ADAMTS3: variants seen among roughly 807,000 people sequenced by gnomAD.
The protein encoded by ADAMTS3 is ADAM metallopeptidase with thrombospondin type 1 motif 3.
Under a neutral mutation model 129.0 loss-of-function variants are expected in ADAMTS3, and 73 were observed. The observed-to-expected ratio is 0.57, with a 90% CI of 0.47 to 0.69. The LOEUF (loss-of-function observed/expected upper bound fraction) is 0.69. ADAMTS3 is among the 30% of genes least tolerant of loss of function. ADAMTS3 has a pLI of 0.00. For synonymous variants in ADAMTS3, 477 were observed against 510.8 expected (o/e 0.93, Z 0.89); for missense variants, 1,457 against 1,514.5 (o/e 0.96, Z 0.63).
chr4:72,555,707 A>C (rs1721746535), intron 2 of ADAMTS3, among the ~76,000 whole-genome samples: 1 of 151,742 alleles, frequency 6.6e-6, no homozygotes, highest in Admixed American at 6.6e-5. Context: ...CTGTGTCCCC[A>C]CTGAAATCTC....
At chr4:72,439,991 C>T (rs1718066449) in intron 3 of ADAMTS3, among the ~76,000 whole-genome samples, 1 of 151,590 alleles carries the variant, frequency 6.6e-6, no homozygotes, top group Admixed American at 6.6e-5. Flanking sequence ...CTAATAATGC[C>T]AATGCAAAAT....
At chr4:72,431,681 C>T (rs1389443167) in intron 3 of ADAMTS3, among the ~76,000 whole-genome samples, 2 of 151,970 alleles carry the variant, frequency 1.3e-5, no homozygotes, top group Non-Finnish European at 2.9e-5. Flanking sequence ...ATTCAAAGCA[C>T]TTCTGTTCCG....
intron 3 of ADAMTS3, among the ~76,000 whole-genome samples, chr4:72,468,832 A>G (rs908822837): frequency 6.6e-6 from 1 of 152,010 alleles, no homozygotes; most frequent in African/African-American, 2.4e-5. Flanking sequence ...TGCATATCAC[A>G]TGGTCCCTCT....
At chr4:72,311,309 C>A in intron 13 of ADAMTS3, 128 bp from the exon 14 acceptor site, 5 of 835,228 alleles carry the variant, frequency 6.0e-6, no homozygotes, top group East Asian at 3.0e-5. Flanking sequence ...ACCGTATAAA[C>A]AAATAAAATA....
At chr4:72,533,859 T>C (rs1721118720) in intron 3 of ADAMTS3, among the ~76,000 whole-genome samples, 1 of 152,148 alleles carries the variant, frequency 6.6e-6, no homozygotes, top group Non-Finnish European at 1.5e-5. Context: ...AAAAGTGCTA[T>C]TATAAAGTAA....
chr4:72,513,591 T>G (rs553555760), intron 3 of ADAMTS3, among the ~76,000 whole-genome samples: 2 of 152,220 alleles, frequency 1.3e-5, no homozygotes, highest in Non-Finnish European at 2.9e-5. Context: ...AAATTAATGT[T>G]TGAACTTCCT....
At chr4:72,407,847 G>A (rs1331398361) in intron 4 of ADAMTS3, among the ~76,000 whole-genome samples, 1 of 123,032 alleles carries the variant, frequency 8.1e-6, no homozygotes, top group Non-Finnish European at 1.8e-5. Context: ...GTAAGGTGCT[G>A]AAAGTACAGG....
rs150162469 is a variant in ADAMTS3 at position 72,475,496 on chromosome 4, A to G, written c.505-60525T>C. The stretch of plus-strand genomic sequence containing the variant: ...AATACATATGCACCAGACAACAGAG[A>G]CGCAAAACATATGATACAAAAACTG... On this transcript the variant is annotated intron_variant, in intron 3 of 21. Transcript: ENST00000286657. Among the ~76,000 whole-genome samples the G allele has an allele frequency of 5.4e-3, 817 of 152,160 alleles. 9 individuals carry two copies. The highest frequency in any genetic ancestry group is 0.019 in the African/African-American group (784 of 41,548).
intron 4 of ADAMTS3, among the ~76,000 whole-genome samples, chr4:72,360,168 C>T (rs1426404050): frequency 1.3e-5 from 2 of 152,046 alleles, no homozygotes; most frequent in African/African-American, 4.8e-5. Flanking sequence ...TATTTACCCA[C>T]AAATAGTCCA....
At chr4:72,480,150 A>G (rs1406755753) in intron 3 of ADAMTS3, among the ~76,000 whole-genome samples, 1 of 152,202 alleles carries the variant, frequency 6.6e-6, no homozygotes, top group Non-Finnish European at 1.5e-5. Flanking sequence ...TTCCTCAGGG[A>G]TCTAGAACTA....
At chr4:72,348,194 A>G (rs541349977) in intron 4 of ADAMTS3, among the ~76,000 whole-genome samples, 379 of 152,170 alleles carry the variant, frequency 2.5e-3, no homozygotes, top group African/African-American at 9.0e-3. Context: ...GCTTACCCTC[A>G]TAGAACTTAC....
At chr4:72,441,336 T>C (rs1047193483) in intron 3 of ADAMTS3, among the ~76,000 whole-genome samples, 6 of 151,810 alleles carry the variant, frequency 4.0e-5, no homozygotes, top group Non-Finnish European at 8.8e-5. Flanking sequence ...TTTTGTGAGA[T>C]GTCAGTTCAA....
rs1387677421 is a variant in ADAMTS3, at chr4:72,417,373, T to C, written c.505-2402A>G. Among the ~76,000 whole-genome samples the C allele has an allele frequency of 3.3e-5, 5 of 152,318 alleles. No homozygotes were observed. In the East Asian group the frequency reaches 9.7e-4, roughly 29 times the overall value. On this transcript the variant is annotated intron_variant, in intron 3 of 21. Coordinates refer to ENST00000286657, the MANE Select transcript of ADAMTS3 (RefSeq NM_014243.3). ...CAGTGAGGATTAGCCCATGGGTCTTTTGAAAACACTTCTCCATACCTGCTA... is the reference window on the plus strand; with the variant it reads ...CAGTGAGGATTAGCCCATGGGTCTTCTGAAAACACTTCTCCATACCTGCTA...
chr4:72,347,852 T>C (rs1050494005), intron 4 of ADAMTS3, among the ~76,000 whole-genome samples: 15 of 151,972 alleles, frequency 9.9e-5, no homozygotes, highest in African/African-American at 3.4e-4. Context: ...GTCAACTACA[T>C]AGAAGAGAGG....
chr4:72,414,287 T>C (rs757527742), intron 4 of ADAMTS3, among the ~76,000 whole-genome samples: 5 of 151,922 alleles, frequency 3.3e-5, no homozygotes, highest in Non-Finnish European at 5.9e-5. Flanking sequence ...ACTTTAGCAG[T>C]TCTAGCCTAA....
intron 18 of ADAMTS3, among the ~76,000 whole-genome samples, chr4:72,296,262 TA>T (rs1240287600): frequency 1.3e-5 from 2 of 152,024 alleles, no homozygotes; most frequent in African/African-American, 4.8e-5. Context: ...GAAGCAGAAT[TA>T]TTCTCCAAGC....
chr4:72,448,679 T>A (rs2109967414), intron 3 of ADAMTS3, among the ~76,000 whole-genome samples: 1 of 151,870 alleles, frequency 6.6e-6, no homozygotes, highest in South Asian at 2.1e-4. Flanking sequence ...CCAGCTATGC[T>A]AAATACTGAA....
chr4:72,443,033 A>AC (rs1402209127), intron 3 of ADAMTS3, among the ~76,000 whole-genome samples: 1 of 151,760 alleles, frequency 6.6e-6, no homozygotes, highest in Admixed American at 6.6e-5. Context: ...TTACACTACA[A>AC]CAATGATGCA....
At position 72,291,072 on chromosome 4, in the gene ADAMTS3, C is replaced by A. The variant is rs201639052; in HGVS notation, c.2724-10G>T. The stretch of plus-strand genomic sequence containing the variant: ...TTCTTCTGCTACCCAGCTGTGGGTG[C>A]GGGGATTTAATATTGCAATTATCAC... On this transcript the variant is annotated splice_polypyrimidine_tract_variant and intron_variant, in intron 19 of 21. Transcript: ENST00000286657. 3.1e-6 allele frequency: 5 copies of A among 1,613,480 alleles called. No individual in the cohort carries two copies. Among genetic ancestry groups the A allele is most frequent in the Non-Finnish European group, 2.5e-6 (3 of 1,179,702 alleles).
Sources: allele counts gnomAD v4.1 joint callset (sites outside exome capture counted in the v4.1 genomes callset), GRCh38; gene constraint gnomAD v4.1.1; transcripts MANE v1.5; gene names NCBI Gene and HGNC (gene_info 2026-07-23, HGNC 2026-07-21).